Variants in ECE1 observed in about 807,000 individuals in gnomAD.
The protein encoded by ECE1 is endothelin converting enzyme 1.
In ECE1, 35 loss-of-function variants were observed where a neutral mutation model predicts 98.6. The ratio of observed to expected loss-of-function variants is 0.35; its 90% confidence interval spans 0.27 to 0.47. The LOEUF (loss-of-function observed/expected upper bound fraction) is 0.47. ECE1 is among the 20% of genes least tolerant of loss of function. The pLI is 1.00. For missense variants in ECE1, 814 were observed against 1,025.3 expected (o/e 0.79, Z 2.81); for synonymous variants, 394 against 407.1 (o/e 0.97, Z 0.39).
intron 4 of ECE1, among the ~76,000 whole-genome samples, chr1:21,268,721 C>T (rs1347388597): frequency 6.6e-6 from 1 of 152,224 alleles, no homozygotes; most frequent in Non-Finnish European, 1.5e-5. Flanking sequence ...TCAGCTCTGG[C>T]TCCCTTCCGA....
intron 1 of ECE1, among the ~76,000 whole-genome samples, chr1:21,333,926 G>A (rs1187282535): frequency 2.0e-5 from 3 of 152,096 alleles, no homozygotes; most frequent in African/African-American, 7.2e-5. Flanking sequence ...TTTACAACCT[G>A]TCATAAATTA....
chr1:21,276,937 G>C (rs1218891187), intron 3 of ECE1, among the ~76,000 whole-genome samples: 2 of 152,070 alleles, frequency 1.3e-5, no homozygotes. Context: ...GGCTGGTCTC[G>C]AACATCTTGA....
At chr1:21,280,883 C>G (rs1486758215) in intron 2 of ECE1, among the ~76,000 whole-genome samples, 1 of 151,958 alleles carries the variant, frequency 6.6e-6, no homozygotes, top group Non-Finnish European at 1.5e-5. Context: ...AAAAAAAAAA[C>G]TGGGTTCCAA....
intron 13 of ECE1, among the ~76,000 whole-genome samples, chr1:21,234,709 G>C (rs1018221530): frequency 2.6e-5 from 4 of 152,098 alleles, no homozygotes; most frequent in Admixed American, 2.6e-4. Context: ...AAACTCCTGA[G>C]CTCAATCAAT....
chr1:21,336,443 C>T (rs1371902653), intron 1 of ECE1, among the ~76,000 whole-genome samples: 2 of 152,000 alleles, frequency 1.3e-5, no homozygotes, highest in African/African-American at 2.4e-5. Context: ...ACCTGTAATC[C>T]CAGCACTTTG....
intron 10 of ECE1, among the ~76,000 whole-genome samples, chr1:21,243,707 G>A (rs1455322003): frequency 1.3e-5 from 2 of 152,232 alleles, no homozygotes; most frequent in Non-Finnish European, 2.9e-5. Context: ...GCCAAGTTCT[G>A]CAGGGAACAG....
rs908333105 is a variant in ECE1 at position 21,236,419 on chromosome 1, G to A, written c.1488+327C>T. Among the ~76,000 whole-genome samples the A allele has an allele frequency of 2.6e-5, 4 of 152,374 alleles. No individual in the cohort carries two copies. The South Asian group carries it at 6.2e-4, about 24-fold the overall frequency. On this transcript the variant is annotated intron_variant, in intron 12 of 18. Transcript: ENST00000374893. ...AATGCCAGCGCTTTGGCAGGCCAAGGCGGGTCGATCACCTGAGGTCGGGAG... is the reference window on the plus strand; with the variant it reads ...AATGCCAGCGCTTTGGCAGGCCAAGACGGGTCGATCACCTGAGGTCGGGAG...
intron 2 of ECE1, among the ~76,000 whole-genome samples, chr1:21,280,707 G>A (rs1294037270): frequency 6.6e-6 from 1 of 152,194 alleles, no homozygotes; most frequent in Non-Finnish European, 1.5e-5. Flanking sequence ...CCTGGTGCCG[G>A]GTCAGAGCCC....
chr1:21,308,572 G>C (rs1638647366), intron 1 of ECE1, among the ~76,000 whole-genome samples: 1 of 152,142 alleles, frequency 6.6e-6, no homozygotes, highest in Non-Finnish European at 1.5e-5. Flanking sequence ...GCCTTCATGA[G>C]GCTGTCCAGG....
Position 21,319,206 on chromosome 1 carries a change from G to A in ECE1, c.3+26170C>T, listed in dbSNP as rs952429509. On this transcript the variant is annotated intron_variant, in intron 1 of 18. Coordinates refer to the ECE1 transcript ENST00000415912. This position sits in a 1 kb window ranked among gnomAD's most constrained non-coding sequence, Gnocchi z 4.4. ...CTAAAATACAAAAAAGTAGCCAGGC[G>A]TGGTGGTGTGCGTCTATAATCCCAG... 1.3e-5 allele frequency among the ~76,000 whole-genome samples: 2 copies of A among 152,116 alleles called. No homozygotes were observed. The highest frequency in any genetic ancestry group is 2.4e-5 in the African/African-American group (1 of 41,416).
chr1:21,269,091 C>T (rs750872798), intron 4 of ECE1, among the ~76,000 whole-genome samples: 2 of 152,116 alleles, frequency 1.3e-5, no homozygotes, highest in East Asian at 1.9e-4. Context: ...AGGAGGCAGG[C>T]GAACCACACT....
intron 1 of ECE1, among the ~76,000 whole-genome samples, chr1:21,317,975 C>T (rs1053482313): frequency 3.9e-5 from 6 of 152,230 alleles, no homozygotes; most frequent in Non-Finnish European, 5.9e-5. Context: ...ATCTCTTTCT[C>T]GAAGTGGGGA....
chr1:21,228,180 A>C, intron 14 of ECE1, 139 bp from the exon 15 acceptor site: 1 of 623,424 alleles, frequency 1.6e-6, no homozygotes, highest in South Asian at 1.9e-5. Context: ...CCAAGTGCAC[A>C]CAAGTACAAG....
Position 21,345,387 on chromosome 1 carries a change from T to G in ECE1, c.-9A>C. On this transcript the variant is annotated 5_prime_UTR_variant, in exon 1 of 19. Transcript: ENST00000415912. The surrounding 1 kb of genome is among the most constrained non-coding windows in gnomAD (Gnocchi z 5.1). Reference sequence around the variant, plus strand: ...CGCGCAGCACTCACCATAGCTCGCGTGCTCCGCCCCGGCTTCGCGCAGCTC... The same window carrying G: ...CGCGCAGCACTCACCATAGCTCGCGGGCTCCGCCCCGGCTTCGCGCAGCTC... 1 of 1,340,274 alleles carries G rather than the reference T, an allele frequency of 7.5e-7. No individual in the cohort carries two copies. The highest frequency in any genetic ancestry group is 1.8e-5 in the South Asian group (1 of 55,940). The allele number at this position is 1,340,274 out of a possible 1,614,324, so 83.0% of individuals were successfully genotyped here.
At chr1:21,298,583 T>C in intron 1 of ECE1, 1 of 372,496 alleles carries the variant, frequency 2.7e-6, no homozygotes, top group Non-Finnish European at 5.4e-6. Context: ...AAGCAGCACA[T>C]GGGAGGGAAG....
intron 1 of ECE1, among the ~76,000 whole-genome samples, chr1:21,313,032 G>A (rs1035356990): frequency 1.3e-5 from 2 of 151,536 alleles, no homozygotes; most frequent in Non-Finnish European, 2.9e-5. Context: ...GGATCACACA[G>A]CCAGAAAGTG....
intron 4 of ECE1, among the ~76,000 whole-genome samples, chr1:21,263,361 A>ATTT (rs34915173): frequency 5.5e-5 from 7 of 128,276 alleles, no homozygotes; most frequent in African/African-American, 1.6e-4. Context: ...TTTTATATTT[A>ATTT]TTTTTTTTTT....
chr1:21,236,698 C>T, intron 12 of ECE1, 48 bp downstream of exon 12: 3 of 1,562,698 alleles, frequency 1.9e-6, no homozygotes, highest in African/African-American at 1.4e-5. Flanking sequence ...CCTCCTCTAT[C>T]TGTGCTGGAC....
intron 1 of ECE1, among the ~76,000 whole-genome samples, chr1:21,324,618 G>C (rs1411119856): frequency 6.6e-6 from 1 of 152,158 alleles, no homozygotes; most frequent in African/African-American, 2.4e-5. Context: ...AAACATTTCA[G>C]GGTTGAAAAA....
Sources: gnomAD v4.1 joint callset for allele counts (sites outside exome capture counted in the v4.1 genomes callset) on GRCh38, gnomAD v4.1.1 for gene constraint, Gnocchi (gnomAD v3.1) non-coding constraint, MANE v1.5 for transcripts, NCBI Gene and HGNC (gene_info 2026-07-23, HGNC 2026-07-21) for gene names.